The following HEMK2 variants were observed in gnomAD, a reference collection of about 807,000 sequenced individuals.
HEMK2 encodes the protein methyltransferase HEMK2.
At chr21:28,841,002 T>C in the HEMK2 span, among the ~76,000 whole-genome samples, 1 of 109,554 alleles carries the variant, frequency 9.1e-6, no homozygotes, top group Non-Finnish European at 1.8e-5. Context: ...TACATATATA[T>C]ATTATATATA....
At chr21:28,770,034 G>C in the HEMK2 span, among the ~76,000 whole-genome samples, 1 of 152,140 alleles carries the variant, frequency 6.6e-6, no homozygotes, top group Non-Finnish European at 1.5e-5. Context: ...GGCAATAGTA[G>C]TTACTGTCTG....
chr21:28,863,411 TATATATATATATATATA>T, the HEMK2 span, among the ~76,000 whole-genome samples: 12 of 18,658 alleles, frequency 6.4e-4, no homozygotes, highest in South Asian at 1.6e-3. Context: ...AACTCCCTTT[TATATATATATATATATA>T]TATATATATA....
the HEMK2 span, among the ~76,000 whole-genome samples, chr21:28,792,417 G>A: frequency 5.9e-5 from 9 of 152,212 alleles, no homozygotes; most frequent in South Asian, 4.1e-4. Flanking sequence ...GATCAGAATC[G>A]CTTTCTGGTA....
chr21:28,702,127 T>C, the HEMK2 span, among the ~76,000 whole-genome samples: 4 of 152,242 alleles, frequency 2.6e-5, no homozygotes, highest in South Asian at 4.1e-4. Context: ...TAGCTAGCCA[T>C]ATGCAGAAGA....
the HEMK2 span, among the ~76,000 whole-genome samples, chr21:28,862,353 G>A: frequency 6.7e-6 from 1 of 148,692 alleles, no homozygotes; most frequent in African/African-American, 2.6e-5. Flanking sequence ...GTAGAAGAAA[G>A]TAGTCGCCGG....
At chr21:28,597,862 G>A in the HEMK2 span, among the ~76,000 whole-genome samples, 3 of 152,134 alleles carry the variant, frequency 2.0e-5, no homozygotes, top group African/African-American at 7.2e-5. Flanking sequence ...ATTTCCTAGA[G>A]ACAAGAAGGA....
the HEMK2 span, among the ~76,000 whole-genome samples, chr21:28,740,898 AATACAT>A: frequency 6.6e-6 from 1 of 151,162 alleles, no homozygotes; most frequent in Non-Finnish European, 1.5e-5. Flanking sequence ...TATGTTAATA[AATACAT>A]TACATTTTTG....
the HEMK2 span, among the ~76,000 whole-genome samples, chr21:28,724,769 TTTTTTGTTTTTG>T: frequency 9.9e-5 from 15 of 152,028 alleles, no homozygotes; most frequent in Admixed American, 9.8e-4. Flanking sequence ...ATGTATCAGG[TTTTTTGTTTTTG>T]TTTTTGTTTT....
chr21:28,624,925 A>T, the HEMK2 span, among the ~76,000 whole-genome samples: 1 of 152,346 alleles, frequency 6.6e-6, no homozygotes, highest in Non-Finnish European at 1.5e-5. Flanking sequence ...ATGAGCTAAT[A>T]GATGTCAAGG....
chr21:28,859,777 C>A, the HEMK2 span, among the ~76,000 whole-genome samples: 1 of 152,144 alleles, frequency 6.6e-6, no homozygotes, highest in African/African-American at 2.4e-5. Context: ...GTGGAAACCT[C>A]AGGCTCACAT....
At chr21:28,615,982 A>C in the HEMK2 span, among the ~76,000 whole-genome samples, 11 of 152,192 alleles carry the variant, frequency 7.2e-5, no homozygotes, top group Non-Finnish European at 1.5e-4. Context: ...AAATAATCAT[A>C]ACTAATATTT....
chr21:28,783,421 G>A, the HEMK2 span, among the ~76,000 whole-genome samples: 9 of 152,276 alleles, frequency 5.9e-5, no homozygotes, highest in East Asian at 1.9e-4. Context: ...CTGACCTCAG[G>A]TGATCTGCCC....
the HEMK2 span, among the ~76,000 whole-genome samples, chr21:28,884,244 G>A: frequency 6.6e-6 from 1 of 152,282 alleles, no homozygotes; most frequent in South Asian, 2.1e-4. Flanking sequence ...ATCTTGAGAA[G>A]AAAAGACAAG....
At chr21:28,850,843 G>A in the HEMK2 span, among the ~76,000 whole-genome samples, 90 of 152,090 alleles carry the variant, frequency 5.9e-4, no homozygotes, top group Non-Finnish European at 1.6e-4. Context: ...TTCCTCTATC[G>A]ATTGATTATA....
At chr21:28,585,368 T>C in the HEMK2 span, among the ~76,000 whole-genome samples, 1 of 115,318 alleles carries the variant, frequency 8.7e-6, no homozygotes, top group East Asian at 2.1e-4. Flanking sequence ...TAAATAAATA[T>C]CAGAAGTAAT....
the HEMK2 span, among the ~76,000 whole-genome samples, chr21:28,770,627 G>T: frequency 6.6e-6 from 1 of 151,970 alleles, no homozygotes; most frequent in East Asian, 1.9e-4. Flanking sequence ...TTGTGGGAGT[G>T]AATTAATTAT....
the HEMK2 span, among the ~76,000 whole-genome samples, chr21:28,667,552 A>G: frequency 1.3e-5 from 2 of 150,384 alleles, no homozygotes; most frequent in Non-Finnish European, 3.0e-5. Context: ...AGGAGTATTT[A>G]TGTTGTTTCA....
the HEMK2 span, among the ~76,000 whole-genome samples, chr21:28,605,211 T>C: frequency 1.3e-5 from 2 of 152,228 alleles, no homozygotes; most frequent in African/African-American, 4.8e-5. Context: ...TGTATTAGAA[T>C]GCTGGTTGTT....
the HEMK2 span, among the ~76,000 whole-genome samples, chr21:28,738,510 T>A: frequency 6.6e-6 from 1 of 152,334 alleles, no homozygotes; most frequent in African/African-American, 2.4e-5. Context: ...GTCCTCCCTC[T>A]GCTTTCCATC....
Sources: gnomAD v4.1 joint callset for allele counts (sites outside exome capture counted in the v4.1 genomes callset) on GRCh38, gnomAD v4.1.1 for gene constraint, MANE v1.5 for transcripts, NCBI Gene and HGNC (gene_info 2026-07-23, HGNC 2026-07-21) for gene names.